PRPF40B: variants seen among roughly 807,000 people sequenced by gnomAD.
PRPF40B encodes pre-mRNA-processing factor 40 homolog B.
In PRPF40B, 56 loss-of-function variants were observed where a neutral mutation model predicts 124.5. The ratio of observed to expected loss-of-function variants is 0.45; its 90% confidence interval spans 0.36 to 0.56. The LOEUF (loss-of-function observed/expected upper bound fraction) is 0.56. Ranked by LOEUF, PRPF40B falls within the 20% of genes least tolerant of loss-of-function variation. The probability of loss-of-function intolerance (pLI) is 0.00; values close to 1 mark genes in which losing one functional copy is unlikely to be tolerated. For missense variants in PRPF40B, 1,053 were observed against 1,169.5 expected, an observed-to-expected ratio of 0.90 and a Z score of 1.45; for synonymous variants, 443 against 426.4, an observed-to-expected ratio of 1.04 and a Z score of -0.48.
intron 18 of PRPF40B, chr12:49,641,686 A>G (rs1942672970): frequency 7.4e-6 from 4 of 543,926 alleles, no homozygotes; most frequent in Non-Finnish European, 1.3e-5. Context: ...ACATCTCCCA[A>G]CCCCTTCAGC....
At chr12:49,643,563 A>G (rs773106486) in intron 23 of PRPF40B, 128 bp from the exon 24 acceptor site, 1 of 1,367,826 alleles carries the variant, frequency 7.3e-7, no homozygotes, top group Non-Finnish European at 9.9e-7. Flanking sequence ...CTGGAGAAGG[A>G]AAACTGGACT....
chr12:49,636,661 T>G, intron 15 of PRPF40B, 55 bp from the exon 16 acceptor site: 1 of 1,608,410 alleles, frequency 6.2e-7, no homozygotes, highest in Non-Finnish European at 8.5e-7. Flanking sequence ...GGTGCTGGGG[T>G]CTGAGAGGGT....
rs753234446 is a variant in PRPF40B at position 49,633,066 on chromosome 12, A to G, written c.401A>G (p.Asn134Ser). 1.3e-5 allele frequency: 21 copies of G among 1,592,882 alleles called. No individual in the cohort carries two copies. The East Asian group carries it at 1.6e-4, about 12-fold the overall frequency. Residue 134 changes from asparagine (N) to serine (S), a missense_variant, in exon 7 of 26, where the codon AAT becomes AGT. Transcript: ENST00000548825. ...CCAGATGGGCGCATCTACTACTACA[A>G]TGCTGACGACAAGCAGTCCGTGTGG... is the stretch of plus-strand genomic sequence containing the variant. ...VAPDGRIYYY[N>S]ADDKQSVWEK...
chr12:49,632,995 T>TGGGGGGGGGGC lies in PRPF40B; in HGVS notation c.349-18_349-17insGGGGGGGGGCG. The TGGGGGGGGGGC allele has an allele frequency of 9.5e-6, 13 of 1,365,410 alleles. No homozygotes were observed. The highest frequency in any genetic ancestry group is 1.3e-5 in the Non-Finnish European group (13 of 979,234). 84.6% of individuals were successfully genotyped at this position (1,365,410 alleles called of 1,614,324 possible). A position where few individuals can be genotyped will look rare whatever the true frequency, so the allele number is the denominator to read the frequency against. ...AAAAGGGGCCTTGACCACCATTCTG[T>TGGGGGGGGGGC]GCCCCCCCCCCCACCCAGAGGGCCC... On this transcript the variant is annotated intron_variant, in intron 6 of 25. Coordinates refer to ENST00000548825, the MANE Select transcript of PRPF40B (RefSeq NM_001031698.3).
Position 49,631,443 on chromosome 12 carries a change from C to A in PRPF40B, c.127C>A (p.Leu43Ile). The part of the protein sequence containing the change: ...GIPPPFPPMG[L>I]PPMSQRPPAI... ...CCCCCCACCCTTTCCTCCGATGGGG[C>A]TACCCCCCATGAGTCAGAGACCACC... The change falls in exon 3 of 26, where the codon CTA becomes ATA. Residue 43 changes from leucine (L) to isoleucine (I), a missense_variant. Transcript: ENST00000548825. This position sits in a 1 kb window ranked among gnomAD's most constrained non-coding sequence, Gnocchi z 4.3. The A allele has an allele frequency of 7.3e-7, 1 of 1,379,296 alleles. No individual in the cohort carries two copies. The highest frequency in any genetic ancestry group is 9.7e-7 in the Non-Finnish European group (1 of 1,029,404). 85.4% of individuals were successfully genotyped at this position (1,379,296 alleles called of 1,614,324 possible).
rs1432210477 is a variant in PRPF40B, at chr12:49,637,568, C to T, written c.1659C>T (p.Asn553=). 5.0e-6 allele frequency: 8 copies of T among 1,613,614 alleles called. No homozygotes were observed. In the South Asian group the frequency reaches 8.8e-5, roughly 18 times the overall value. ...TCAGCACTGATGTCCGCTTTGCCAACATGCTGGGCCAGCCGGGTAAGGCAG... is the reference window on the plus strand; with the variant it reads ...TCAGCACTGATGTCCGCTTTGCCAATATGCTGGGCCAGCCGGGTAAGGCAG... ...PAVSTDVRFA[N]MLGQPGSTPL... The change falls in exon 17 of 26, where the codon AAC becomes AAT. Residue 553 remains asparagine (N), a synonymous_variant. Coordinates refer to ENST00000548825, the MANE Select transcript of PRPF40B (RefSeq NM_001031698.3).
intron 5 of PRPF40B, 81 bp downstream of exon 5, chr12:49,632,704 C>G: frequency 6.3e-7 from 1 of 1,596,870 alleles, no homozygotes; most frequent in Non-Finnish European, 8.6e-7. Context: ...CTGGAGCCCA[C>G]CCTGGATCAT....
chr12:49,630,932 T>C (rs554683587), intron 2 of PRPF40B, among the ~76,000 whole-genome samples: 51 of 152,322 alleles, frequency 3.3e-4, no homozygotes, highest in African/African-American at 1.2e-3. Context: ...TCTCTTTCAC[T>C]ACTCCTTACC....
At chr12:49,638,133 G>A (rs1942098063) in intron 18 of PRPF40B, 1 of 346,178 alleles carries the variant, frequency 2.9e-6, no homozygotes, top group East Asian at 6.4e-5. Context: ...GAAGAGGTTG[G>A]AGTGTACACG....
At chr12:49,623,673 C>T in intron 1 of PRPF40B, 80 bp downstream of exon 1, 1 of 985,940 alleles carries the variant, frequency 1.0e-6, no homozygotes, top group Non-Finnish European at 1.2e-6. Context: ...GCCGATGGGG[C>T]GGGGAGGCCG....
In PRPF40B at chr12:49,644,154, C is replaced by T. The variant is rs776128769; in HGVS notation, c.2641C>T (p.Arg881Trp). The change falls in exon 26 of 26, where the codon CGG becomes TGG. Residue 881 changes from arginine (R) to tryptophan (W), a missense_variant. Transcript: ENST00000548825. ...GAGTGAGGGTGAGCTGGAGAGGCGG[C>T]GGCGGACACTCCTACAGCAGCTGGA... ...ELSEGELERR[R>W]RTLLQQLDDH... The T allele has an allele frequency of 1.3e-4, 212 of 1,613,964 alleles. No individual in the cohort carries two copies. The highest frequency in any genetic ancestry group is 1.7e-4 in the Non-Finnish European group (202 of 1,180,036).
At position 49,623,601 on chromosome 12, in the gene PRPF40B, C is replaced by T. The variant is rs1451857224; in HGVS notation, c.3+8C>T. The T allele has an allele frequency of 7.3e-6, 9 of 1,233,626 alleles. No homozygotes were observed. The highest frequency in any genetic ancestry group is 2.9e-4 in the Middle Eastern group (1 of 3,482). 76.4% of individuals were successfully genotyped at this position (1,233,626 alleles called of 1,614,324 possible). A position where few individuals can be genotyped will look rare whatever the true frequency, so the allele number is the denominator to read the frequency against. Reference sequence around the variant, plus strand: ...CTCGGAGGCTCTGGCATGGTAACATCCCCGCGCGGGGGTGGAGGGGCTCGG... The same window carrying T: ...CTCGGAGGCTCTGGCATGGTAACATTCCCGCGCGGGGGTGGAGGGGCTCGG... On this transcript the variant is annotated splice_region_variant and intron_variant, in intron 1 of 25. Transcript: ENST00000548825.
In PRPF40B at chr12:49,641,963, T is replaced by A; in HGVS notation, c.1823T>A (p.Ile608Lys). ...GCCTTTGAGGACTTCGCCCACGTCA[T>A]AAGCTTTGACAAGAGGGCTGCCGCA... ...NTAFEDFAHV[I>K]SFDKRAAALD... The change falls in exon 19 of 26, where the codon ATA becomes AAA. Residue 608 changes from isoleucine (I) to lysine (K), a missense_variant. Physicochemically the swap from Ile to Lys is moderately radical, Grantham distance 102. Transcript: ENST00000548825. 3 of 1,613,972 alleles carry A rather than the reference T, an allele frequency of 1.9e-6. No homozygotes were observed. Among genetic ancestry groups the A allele is most frequent in the Non-Finnish European group, 2.5e-6 (3 of 1,180,036 alleles).
Position 49,632,996 on chromosome 12 carries a change from G to GGGGGGGGGGCCCCCCCC in PRPF40B, c.349-18_349-17insGGGGGGGGGCCCCCCCC. On this transcript the variant is annotated splice_polypyrimidine_tract_variant and intron_variant, in intron 6 of 25. Coordinates refer to ENST00000548825, the MANE Select transcript of PRPF40B (RefSeq NM_001031698.3). ...AAAGGGGCCTTGACCACCATTCTGTGCCCCCCCCCCCACCCAGAGGGCCCT... is the reference window on the plus strand; with the variant it reads ...AAAGGGGCCTTGACCACCATTCTGTGGGGGGGGGGCCCCCCCCCCCCCCCCCCCACCCAGAGGGCCCT... 1 of 1,147,396 alleles carries GGGGGGGGGGCCCCCCCC rather than the reference G, an allele frequency of 8.7e-7. No homozygotes were observed. The highest frequency in any genetic ancestry group is 1.2e-6 in the Non-Finnish European group (1 of 823,012). 71.1% of individuals were successfully genotyped at this position (1,147,396 alleles called of 1,614,324 possible). A position where few individuals can be genotyped will look rare whatever the true frequency, so the allele number is the denominator to read the frequency against.
In PRPF40B at chr12:49,642,346, C is replaced by G. The variant is rs201779508; in HGVS notation, c.1996C>G (p.Leu666Val). The change falls in exon 20 of 26, where the codon CTG (leucine) becomes GTG (valine). Residue 666 changes from leucine (L) to valine (V), a missense_variant. Leu to Val is a conservative substitution (Grantham distance 32). Around this residue, in one of 2 missense-constraint regions of PRPF40B, gnomAD observed 895 missense variants for 1,052.2 expected, o/e 0.85. Coordinates refer to ENST00000548825, the MANE Select transcript of PRPF40B (RefSeq NM_001031698.3). This position sits in a 1 kb window ranked among gnomAD's most constrained non-coding sequence, Gnocchi z 5.8. ...CATGCTGAGGCAGGCTGTGCCTGCTCTGGAGCTAGGCACTGCCTGGGAAGA... is the reference window on the plus strand; with the variant it reads ...CATGCTGAGGCAGGCTGTGCCTGCTGTGGAGCTAGGCACTGCCTGGGAAGA... ...RSMLRQAVPALELGTAWEEVR... is the reference protein window; with the variant it reads ...RSMLRQAVPAVELGTAWEEVR... 3 of 1,613,960 alleles carry G rather than the reference C, an allele frequency of 1.9e-6. No individual in the cohort carries two copies. Among genetic ancestry groups the G allele is most frequent in the East Asian group, 4.5e-5 (2 of 44,868 alleles).
chr12:49,643,955 A>G lies in PRPF40B; in HGVS notation c.2537A>G (p.Gln846Arg). 4 of 1,614,214 alleles carry G rather than the reference A, an allele frequency of 2.5e-6. No homozygotes were observed. Among genetic ancestry groups the G allele is most frequent in the Non-Finnish European group, 2.5e-6 (3 of 1,180,024 alleles). The part of the protein sequence containing the change: ...QEQDKDRELQ[Q>R]AELPNRSPGF... ...CAGGACAAGGACAGGGAGCTCCAACAGGCAGAGCTCCCTAACCGTTCCCCA... is the reference window on the plus strand; with the variant it reads ...CAGGACAAGGACAGGGAGCTCCAACGGGCAGAGCTCCCTAACCGTTCCCCA... The change falls in exon 25 of 26, where the codon CAG becomes CGG. Residue 846 changes from glutamine (Q) to arginine (R), a missense_variant. By Grantham distance (43) the Gln-to-Arg change is conservative. This residue lies in a region of PRPF40B where 895 missense variants were observed against 1,052.2 expected (regional missense o/e 0.85). Coordinates refer to ENST00000548825, the MANE Select transcript of PRPF40B (RefSeq NM_001031698.3).
At position 49,642,359 on chromosome 12, in the gene PRPF40B, C is replaced by G. The variant is rs1942791484; in HGVS notation, c.2009C>G (p.Thr670Ser). ...GCTGTGCCTGCTCTGGAGCTAGGCA[C>G]TGCCTGGGAAGAGGTCAGGAGCGTA... ...RQAVPALELG[T>S]AWEEVRERFV... The change falls in exon 20 of 26, where the codon ACT (threonine) becomes AGT (serine). Residue 670 changes from threonine to serine, a missense_variant. Transcript: ENST00000548825. This position sits in a 1 kb window ranked among gnomAD's most constrained non-coding sequence, Gnocchi z 5.8. 1 of 1,613,764 alleles carries G rather than the reference C, an allele frequency of 6.2e-7. No individual in the cohort carries two copies. The highest frequency in any genetic ancestry group is 1.3e-5 in the African/African-American group (1 of 74,936).
Position 49,637,512 on chromosome 12 carries a change from A to G in PRPF40B, c.1603A>G (p.Met535Val). Residue 535 changes from methionine to valine, a missense_variant, in exon 17 of 26, where the codon ATG becomes GTG. Physicochemically the swap from Met to Val is conservative, Grantham distance 21 (BLOSUM62 1). Coordinates refer to ENST00000548825, the MANE Select transcript of PRPF40B (RefSeq NM_001031698.3). ...GCATGAGACAGGGCAGCTGCACTCT[A>G]TGTCCACCTGGATGGAGCTATATCC... The part of the protein sequence containing the change: ...ELHETGQLHS[M>V]STWMELYPAV... The G allele has an allele frequency of 3.1e-6, 5 of 1,613,730 alleles. No individual in the cohort carries two copies. The highest frequency in any genetic ancestry group is 4.2e-6 in the Non-Finnish European group (5 of 1,179,996).
At chr12:49,634,629 C>G in intron 12 of PRPF40B, 27 bp downstream of exon 12, 2 of 1,613,788 alleles carry the variant, frequency 1.2e-6, no homozygotes, top group Non-Finnish European at 1.7e-6. Flanking sequence ...GGAGCCAGGC[C>G]CTGTTCATGA....
Sources: allele counts gnomAD v4.1 joint callset (sites outside exome capture counted in the v4.1 genomes callset), GRCh38; gene constraint gnomAD v4.1.1; regional missense constraint gnomAD v4.1.1; non-coding constraint Gnocchi (gnomAD v3.1); transcripts MANE v1.5; gene names NCBI Gene and HGNC (gene_info 2026-07-23, HGNC 2026-07-21).